ADK: variants seen among roughly 807,000 people sequenced by gnomAD.
The protein encoded by ADK is N6,N6-dimethyladenosine kinase.
A neutral mutation model predicts 44.7 loss-of-function variants in ADK; 24 were observed. The ratio of observed to expected loss-of-function variants is 0.54; its 90% CI spans 0.39 to 0.76. The LOEUF is 0.76. Ranked by LOEUF, ADK falls within the 30% of genes least tolerant of loss-of-function variation. The pLI is 0.00. For missense variants in ADK, 321 were observed against 425.1 expected (o/e 0.76, Z 2.15); for synonymous variants, 128 against 142.6 (o/e 0.90, Z 0.73).
intron 10 of ADK, among the ~76,000 whole-genome samples, chr10:74,700,446 T>C (rs1228987763): frequency 1.3e-5 from 2 of 152,178 alleles, no homozygotes; most frequent in Non-Finnish European, 1.5e-5. Context: ...TTTCACCACG[T>C]TGGCCAGGCA....
chr10:74,377,087 C>G (rs1842841268), intron 4 of ADK, among the ~76,000 whole-genome samples: 1 of 152,048 alleles, frequency 6.6e-6, no homozygotes, highest in Admixed American at 6.6e-5. Context: ...GGTTTTCTTT[C>G]TGCTATTGTA....
intron 6 of ADK, among the ~76,000 whole-genome samples, chr10:74,511,335 A>C (rs1365622108): frequency 1.3e-5 from 2 of 152,108 alleles, no homozygotes; most frequent in Non-Finnish European, 2.9e-5. Flanking sequence ...GGATTGCTTC[A>C]GCTATTCAGG....
At chr10:74,426,225 A>G (rs1396620100) in intron 6 of ADK, among the ~76,000 whole-genome samples, 1 of 152,192 alleles carries the variant, frequency 6.6e-6, no homozygotes. Flanking sequence ...ATTATATATG[A>G]GACTAAACAT....
At chr10:74,303,297 A>G (rs941108743) in intron 3 of ADK, among the ~76,000 whole-genome samples, 2 of 152,124 alleles carry the variant, frequency 1.3e-5, no homozygotes, top group African/African-American at 2.4e-5. Context: ...GTTTCCTTTT[A>G]TGGAATATTT....
intron 9 of ADK, among the ~76,000 whole-genome samples, chr10:74,637,442 G>A (rs369740381): frequency 2.0e-5 from 3 of 152,182 alleles, no homozygotes; most frequent in East Asian, 3.8e-4. Flanking sequence ...ATGTTCTAAA[G>A]ACCTGGTTCT....
intron 4 of ADK, among the ~76,000 whole-genome samples, chr10:74,377,271 A>C (rs1398222253): frequency 6.6e-6 from 1 of 152,208 alleles, no homozygotes; most frequent in East Asian, 1.9e-4. Flanking sequence ...GAGAAGGGTT[A>C]CAACCTGTAG....
At chr10:74,182,304 T>C (rs1404245897) in intron 1 of ADK, among the ~76,000 whole-genome samples, 2 of 152,040 alleles carry the variant, frequency 1.3e-5, no homozygotes, top group East Asian at 3.8e-4. Flanking sequence ...TAAACTAAAA[T>C]TGTTTCATTT....
chr10:74,188,141 A>G (rs955741364), intron 1 of ADK, among the ~76,000 whole-genome samples: 6 of 152,016 alleles, frequency 3.9e-5, no homozygotes, highest in African/African-American at 9.7e-5. Context: ...TTTATTCTCA[A>G]TTGTTGAGTT....
intron 9 of ADK, among the ~76,000 whole-genome samples, chr10:74,651,803 G>A (rs1448928891): frequency 1.3e-5 from 2 of 152,146 alleles, no homozygotes; most frequent in Non-Finnish European, 2.9e-5. Context: ...ACCACTGACA[G>A]TTAAAAGAGG....
intron 4 of ADK, among the ~76,000 whole-genome samples, chr10:74,382,523 C>T (rs915464756): frequency 6.6e-6 from 1 of 152,128 alleles, no homozygotes; most frequent in African/African-American, 2.4e-5. Flanking sequence ...TAAAACTTGA[C>T]ACCTATTGTA....
At chr10:74,217,750 C>T (rs2132218326) in intron 2 of ADK, among the ~76,000 whole-genome samples, 1 of 152,246 alleles carries the variant, frequency 6.6e-6, no homozygotes, top group African/African-American at 2.4e-5. Context: ...CTGCTGATAC[C>T]CAGGCAAACA....
chr10:74,464,091 A>G (rs970327418), intron 6 of ADK, among the ~76,000 whole-genome samples: 2 of 152,172 alleles, frequency 1.3e-5, no homozygotes, highest in Non-Finnish European at 2.9e-5. Context: ...CTATATACGT[A>G]TAGTCTTTTT....
rs893451393 is a variant in ADK at position 74,532,862 on chromosome 10, A to T, written c.726+7436A>T. On this transcript the variant is annotated intron_variant, in intron 7 of 10. Transcript: ENST00000539909. ...GAGAACCCAGGAGGCGGAGGTTGCG[A>T]TGAGCCGAGATCATGCCACTGCACT... 1.9e-4 allele frequency among the ~76,000 whole-genome samples: 26 copies of T among 139,248 alleles called. 1 individual carries two copies. Among genetic ancestry groups the T allele is most frequent in the African/African-American group, 6.8e-4 (26 of 38,210 alleles). 91.4% of individuals were successfully genotyped at this position (139,248 alleles called of 152,430 possible).
In ADK at chr10:74,592,724, A is replaced by C. The variant is rs113735255; in HGVS notation, c.762+3407A>C. ...TGTAGTCTTTCTCTGACCAATGAGG[A>C]TTCTTTCATCTTACACCACTGAAAG... is the stretch of plus-strand genomic sequence containing the variant. On this transcript the variant is annotated intron_variant, in intron 8 of 10. Coordinates refer to ENST00000539909, the MANE Select transcript of ADK (RefSeq NM_006721.4). 2.6e-3 allele frequency among the ~76,000 whole-genome samples: 403 copies of C among 152,306 alleles called. 3 individuals are homozygous for C. Among genetic ancestry groups the C allele is most frequent in the African/African-American group, 9.2e-3 (384 of 41,572 alleles).
At chr10:74,655,667 G>C in intron 9 of ADK, 1 of 461,902 alleles carries the variant, frequency 2.2e-6, no homozygotes, top group Non-Finnish European at 4.3e-6. Flanking sequence ...GAAGACCCCC[G>C]GGCCTCCCGA....
intron 6 of ADK, among the ~76,000 whole-genome samples, chr10:74,513,742 A>G (rs1441173219): frequency 6.6e-6 from 1 of 152,032 alleles, no homozygotes; most frequent in Non-Finnish European, 1.5e-5. Flanking sequence ...GTTATTATTG[A>G]TAGGTGAGGA....
chr10:74,584,928 T>A (rs1851482334), intron 7 of ADK, among the ~76,000 whole-genome samples: 1 of 152,228 alleles, frequency 6.6e-6, no homozygotes, highest in South Asian at 2.1e-4. Flanking sequence ...AGTTTAATAT[T>A]GATTATAGAT....
intron 4 of ADK, among the ~76,000 whole-genome samples, chr10:74,356,002 ATTTTTTTT>A (rs34454856): frequency 9.6e-5 from 8 of 83,300 alleles, no homozygotes; most frequent in African/African-American, 3.1e-4. Flanking sequence ...TAAATAATTC[ATTTTTTTT>A]TTTTTTTTTT....
intron 4 of ADK, among the ~76,000 whole-genome samples, chr10:74,362,419 A>T (rs1478570150): frequency 6.7e-6 from 1 of 149,718 alleles, no homozygotes. Context: ...AAGTTATTTG[A>T]GTCTCTTATA....
Sources: gnomAD v4.1 joint callset for allele counts (sites outside exome capture counted in the v4.1 genomes callset) on GRCh38, gnomAD v4.1.1 for gene constraint, MANE v1.5 for transcripts, NCBI Gene and HGNC (gene_info 2026-07-23, HGNC 2026-07-21) for gene names.